STRBP: variants seen among roughly 807,000 people sequenced by gnomAD.
The protein encoded by STRBP is spermatid perinuclear RNA binding protein.
In STRBP, 13 loss-of-function variants were observed where a neutral mutation model predicts 80.1. The observed-to-expected ratio is 0.16, with a 90% CI of 0.11 to 0.26. STRBP has a LOEUF of 0.26. STRBP is among the 10% of genes least tolerant of loss of function. The pLI is 1.00. For synonymous variants in STRBP, 284 were observed against 291.2 expected, an observed-to-expected ratio of 0.98 and a Z score of 0.25; for missense variants, 485 against 815.2, an observed-to-expected ratio of 0.59 and a Z score of 4.93.
intron 1 of STRBP, among the ~76,000 whole-genome samples, chr9:123,266,270 T>G (rs2041264447): frequency 6.6e-6 from 1 of 152,080 alleles, no homozygotes; most frequent in Non-Finnish European, 1.5e-5. Context: ...AATTTGGGGA[T>G]GTGCACTCAG....
intron 2 of STRBP, among the ~76,000 whole-genome samples, chr9:123,229,912 A>G (rs1036699057): frequency 6.6e-6 from 1 of 152,182 alleles, no homozygotes; most frequent in African/African-American, 2.4e-5. Context: ...AATAAATAAG[A>G]TCATTCAGCA....
intron 3 of STRBP, chr9:123,112,878 C>T (rs1011774456): frequency 4.3e-5 from 7 of 161,506 alleles, no homozygotes; most frequent in African/African-American, 1.7e-4. Context: ...TCAGTCCGTC[C>T]CCGCCCCTTT....
At position 123,122,518 on chromosome 9, in the gene STRBP, G is replaced by C. The variant is rs2035764589; in HGVS notation, c.*3079C>G. 1 of 1,181,118 alleles carries C rather than the reference G, an allele frequency of 8.5e-7. No homozygotes were observed. The highest frequency in any genetic ancestry group is 1.1e-6 in the Non-Finnish European group (1 of 943,350). 73.2% of individuals were successfully genotyped at this position (1,181,118 alleles called of 1,614,324 possible). On this transcript the variant is annotated 3_prime_UTR_variant, in exon 19 of 19. Coordinates refer to ENST00000348403, the MANE Select transcript of STRBP (RefSeq NM_018387.5). ...TGTTCCCCAGGCTAACAATTTGAGA[G>C]AGACTACAAACGACTTCAGAACTAT...
At chr9:123,214,145 TACACAC>T (rs138090782) in intron 2 of STRBP, among the ~76,000 whole-genome samples, 4,820 of 141,402 alleles carry the variant, frequency 0.034, 88 homozygotes, top group Middle Eastern at 0.042. Flanking sequence ...TATATATGTA[TACACAC>T]ACACACACAC....
At chr9:123,131,710 G>C (rs552707741) in intron 17 of STRBP, among the ~76,000 whole-genome samples, 1 of 151,992 alleles carries the variant, frequency 6.6e-6, no homozygotes, top group South Asian at 2.1e-4. Flanking sequence ...ATTAATCTAC[G>C]TCTCACCCTT....
chr9:123,199,792 A>G (rs1362331079), intron 2 of STRBP, among the ~76,000 whole-genome samples: 1 of 152,202 alleles, frequency 6.6e-6, no homozygotes, highest in Non-Finnish European at 1.5e-5. Flanking sequence ...CTTTCTAGCC[A>G]TACAATCATA....
intron 7 of STRBP, 62 bp from the exon 8 acceptor site, chr9:123,160,524 T>G (rs1260605504): frequency 2.3e-6 from 3 of 1,321,948 alleles, no homozygotes; most frequent in Non-Finnish European, 3.1e-6. Context: ...TTTGGGCAAG[T>G]TCTTTCAAGT....
chr9:123,223,760 A>G (rs1360180478), intron 2 of STRBP, among the ~76,000 whole-genome samples: 1 of 152,076 alleles, frequency 6.6e-6, no homozygotes, highest in Non-Finnish European at 1.5e-5. Context: ...TTCCTCTTCC[A>G]CTAAAAATCT....
At chr9:123,113,215 T>G (rs2035595605) in intron 3 of STRBP, 1 of 167,244 alleles carries the variant, frequency 6.0e-6, no homozygotes, top group South Asian at 2.1e-4. Context: ...AATAAGCATT[T>G]GTGATCACAT....
intron 8 of STRBP, among the ~76,000 whole-genome samples, chr9:123,159,490 C>G (rs1174232774): frequency 1.3e-5 from 2 of 152,140 alleles, no homozygotes; most frequent in Non-Finnish European, 2.9e-5. Flanking sequence ...GTCTCTAATT[C>G]ATTTAATAAA....
At position 123,122,864 on chromosome 9, in the gene STRBP, C is replaced by G. The variant is rs2035774958; in HGVS notation, c.*2733G>C. Reference sequence around the variant, plus strand: ...CGCTAATTTTAAGCTCTACACTGACCTGTAAACTCCCTGACAAGAAACTAT... The same window carrying G: ...CGCTAATTTTAAGCTCTACACTGACGTGTAAACTCCCTGACAAGAAACTAT... On this transcript the variant is annotated 3_prime_UTR_variant, in exon 19 of 19. Coordinates refer to ENST00000348403, the MANE Select transcript of STRBP (RefSeq NM_018387.5). The G allele has an allele frequency of 1.0e-6, 1 of 985,500 alleles. No homozygotes were observed. The highest frequency in any genetic ancestry group is 1.7e-5 in the African/African-American group (1 of 57,252). 61.0% of individuals were successfully genotyped at this position (985,500 alleles called of 1,614,324 possible). A position where few individuals can be genotyped will look rare whatever the true frequency, so the allele number is the denominator to read the frequency against.
chr9:123,181,155 T>C (rs781481009), intron 3 of STRBP, among the ~76,000 whole-genome samples: 22 of 152,222 alleles, frequency 1.4e-4, no homozygotes, highest in Non-Finnish European at 2.9e-4. Flanking sequence ...AAAAATCATC[T>C]GTCTAGATGT....
At chr9:123,152,829 A>G (rs1310444303) in intron 11 of STRBP, among the ~76,000 whole-genome samples, 2 of 152,168 alleles carry the variant, frequency 1.3e-5, no homozygotes, top group African/African-American at 4.8e-5. Flanking sequence ...GGCTACAGAA[A>G]TCTACACACG....
intron 11 of STRBP, 83 bp from the exon 12 acceptor site, chr9:123,147,953 G>A: frequency 8.6e-7 from 1 of 1,163,578 alleles, no homozygotes; most frequent in Non-Finnish European, 1.2e-6. Context: ...TGTTCAGGTA[G>A]GAAAATCTTA....
At chr9:123,209,726 T>C (rs1251913123) in intron 2 of STRBP, among the ~76,000 whole-genome samples, 1 of 152,166 alleles carries the variant, frequency 6.6e-6, no homozygotes, top group Non-Finnish European at 1.5e-5. Flanking sequence ...GATACAGGTA[T>C]TTACCATACA....
At chr9:123,157,133 C>A (rs2037322079) in intron 11 of STRBP, among the ~76,000 whole-genome samples, 4 of 152,166 alleles carry the variant, frequency 2.6e-5, no homozygotes, top group African/African-American at 9.7e-5. Context: ...CCAGGTCATA[C>A]TGAGCCCAAA....
intron 2 of STRBP, among the ~76,000 whole-genome samples, chr9:123,197,285 A>G (rs2039127322): frequency 6.6e-6 from 1 of 152,250 alleles, no homozygotes; most frequent in African/African-American, 2.4e-5. Flanking sequence ...TACAAAAAAC[A>G]TAGTTAAATA....
chr9:123,253,866 T>A (rs1178579998), intron 1 of STRBP, among the ~76,000 whole-genome samples: 5 of 152,156 alleles, frequency 3.3e-5, no homozygotes, highest in Admixed American at 6.5e-5. Flanking sequence ...ACAGCAAAGA[T>A]TTTTATTCTA....
chr9:123,244,833 C>CTCTTGGG (rs2040766987), intron 1 of STRBP, among the ~76,000 whole-genome samples: 1 of 152,180 alleles, frequency 6.6e-6, no homozygotes, highest in African/African-American at 2.4e-5. Flanking sequence ...AAAATTATGA[C>CTCTTGGG]CATTCAAAAG....
Sources: allele counts gnomAD v4.1 joint callset (sites outside exome capture counted in the v4.1 genomes callset), GRCh38; gene constraint gnomAD v4.1.1; transcripts MANE v1.5; gene names NCBI Gene and HGNC (gene_info 2026-07-23, HGNC 2026-07-21).